Variants in MTHFD2L observed in about 807,000 individuals in gnomAD.
MTHFD2L encodes the protein methylenetetrahydrofolate dehydrogenase (NADP+ dependent) 2 like.
A neutral mutation model predicts 34.9 loss-of-function variants in MTHFD2L; 29 were observed. The observed-to-expected ratio is 0.83, with a 90% CI of 0.62 to 1.13. MTHFD2L has a LOEUF of 1.13. MTHFD2L is among the 50% of genes most tolerant of loss of function. The pLI is 0.00. For synonymous variants in MTHFD2L, 167 were observed against 155.7 expected (o/e 1.07, Z -0.54); for missense variants, 481 against 446.5 (o/e 1.08, Z -0.70).
chr4:74,231,093 G>A (rs1739980228), intron 6 of MTHFD2L, among the ~76,000 whole-genome samples: 1 of 152,048 alleles, frequency 6.6e-6, no homozygotes, highest in African/African-American at 2.4e-5. Flanking sequence ...ACTTTAGAGT[G>A]TCTATTGCAA....
At chr4:74,191,219 A>G (rs190057801) in intron 3 of MTHFD2L, among the ~76,000 whole-genome samples, 2 of 152,136 alleles carry the variant, frequency 1.3e-5, no homozygotes, top group Admixed American at 1.3e-4. Context: ...CCTGGTCCTC[A>G]CTTATATATT....
intron 5 of MTHFD2L, among the ~76,000 whole-genome samples, chr4:74,211,603 C>G (rs997559111): frequency 1.3e-5 from 2 of 152,088 alleles, no homozygotes; most frequent in Non-Finnish European, 2.9e-5. Context: ...TTACTGAGGA[C>G]TTTCACATTG....
rs898701151 is a variant in MTHFD2L, at chr4:74,137,113, A to G, written c.-297+11596A>G. Among the ~76,000 whole-genome samples the G allele has an allele frequency of 3.3e-5, 5 of 152,338 alleles. No individual in the cohort carries two copies. The East Asian group carries it at 9.6e-4, about 29-fold the overall frequency. On this transcript the variant is annotated intron_variant, in intron 1 of 7. Coordinates refer to the MTHFD2L transcript ENST00000433372. Reference sequence around the variant, plus strand: ...CAGGCAACCAAAGCAAAAATAGACAATTGGGATTACATCAAACTATAAAAC... The same window carrying G: ...CAGGCAACCAAAGCAAAAATAGACAGTTGGGATTACATCAAACTATAAAAC...
At chr4:74,258,982 A>G (rs1228002971) in intron 6 of MTHFD2L, among the ~76,000 whole-genome samples, 2 of 152,248 alleles carry the variant, frequency 1.3e-5, no homozygotes, top group African/African-American at 4.8e-5. Context: ...ATGGTCATAT[A>G]GCAAATGCAT....
At chr4:74,255,060 G>C (rs778323538) in intron 6 of MTHFD2L, among the ~76,000 whole-genome samples, 4 of 145,310 alleles carry the variant, frequency 2.8e-5, no homozygotes, top group Non-Finnish European at 4.5e-5. Flanking sequence ...GCTTGAACCA[G>C]GGAGGCGGAG....
At chr4:74,191,209 C>T (rs1732416722) in intron 3 of MTHFD2L, among the ~76,000 whole-genome samples, 1 of 152,118 alleles carries the variant, frequency 6.6e-6, no homozygotes, top group African/African-American at 2.4e-5. Flanking sequence ...AGCCACTGTG[C>T]CTGGTCCTCA....
chr4:74,171,537 T>C (rs1346912525), intron 1 of MTHFD2L, among the ~76,000 whole-genome samples: 1 of 152,208 alleles, frequency 6.6e-6, no homozygotes, highest in South Asian at 2.1e-4. Flanking sequence ...GAGTGGTGGC[T>C]CACACCTGTA....
intron 6 of MTHFD2L, among the ~76,000 whole-genome samples, chr4:74,276,872 T>TAAAA (rs1746721965): frequency 6.6e-6 from 1 of 152,104 alleles, no homozygotes; most frequent in Non-Finnish European, 1.5e-5. Flanking sequence ...GAATGAATGA[T>TAAAA]AGAGTCAAAG....
chr4:74,263,431 A>T (rs938884584), intron 6 of MTHFD2L, among the ~76,000 whole-genome samples: 1 of 151,934 alleles, frequency 6.6e-6, no homozygotes, highest in Non-Finnish European at 1.5e-5. Context: ...TGGCCATTTT[A>T]ATGATATTGA....
At chr4:74,179,609 C>G (rs1046028109) in intron 3 of MTHFD2L, among the ~76,000 whole-genome samples, 7 of 151,800 alleles carry the variant, frequency 4.6e-5, no homozygotes, top group Non-Finnish European at 8.8e-5. Context: ...TTTGATGAGT[C>G]TTACTTTCCT....
chr4:74,256,797 A>G (rs372673330), intron 6 of MTHFD2L, among the ~76,000 whole-genome samples: 2 of 152,066 alleles, frequency 1.3e-5, no homozygotes, highest in South Asian at 2.1e-4. Flanking sequence ...ATTCTGTTCC[A>G]TTGGTCTCTG....
chr4:74,214,846 G>A (rs1043619732), intron 5 of MTHFD2L, among the ~76,000 whole-genome samples: 12 of 151,826 alleles, frequency 7.9e-5, no homozygotes, highest in Non-Finnish European at 1.6e-4. Flanking sequence ...TAGGGAATGA[G>A]AGTTTTATCT....
At chr4:74,188,149 T>G (rs538658905) in intron 3 of MTHFD2L, among the ~76,000 whole-genome samples, 2 of 152,294 alleles carry the variant, frequency 1.3e-5, no homozygotes, top group African/African-American at 4.8e-5. Context: ...TAAAATTATA[T>G]GAAATGAAAA....
rs182120826 is a variant in MTHFD2L, at chr4:74,178,583, G to A, written c.451+3180G>A. Among the ~76,000 whole-genome samples, 449 of 151,974 alleles carry A rather than the reference G, an allele frequency of 3.0e-3. 3 individuals carry two copies. The highest frequency in any genetic ancestry group is 0.01 in the African/African-American group (426 of 41,462). On this transcript the variant is annotated intron_variant, in intron 3 of 7. Coordinates refer to ENST00000325278, the MANE Select transcript of MTHFD2L (RefSeq NM_001144978.3). ...ATTGTTTGAGTGTCTCAAACAGAGA[G>A]TGTGAGAAGCATAGAGCTAAAGTGA...
At chr4:74,164,021 G>C (rs917057747) in intron 1 of MTHFD2L, among the ~76,000 whole-genome samples, 16 of 152,048 alleles carry the variant, frequency 1.1e-4, no homozygotes, top group Non-Finnish European at 2.4e-4. Context: ...GACTACAGGC[G>C]CCCGCCACCA....
chr4:74,211,759 A>G (rs906894474), intron 5 of MTHFD2L, among the ~76,000 whole-genome samples: 3 of 151,668 alleles, frequency 2.0e-5, no homozygotes, highest in Non-Finnish European at 4.4e-5. Context: ...AGAAGGAATG[A>G]TACCAGCTGC....
chr4:74,264,601 A>T (rs1298036509), intron 6 of MTHFD2L, among the ~76,000 whole-genome samples: 3 of 152,112 alleles, frequency 2.0e-5, no homozygotes, highest in African/African-American at 7.2e-5. Flanking sequence ...AAGAATGAGG[A>T]TTAAGTTTGA....
At chr4:74,202,822 A>G (rs1734669730) in intron 5 of MTHFD2L, among the ~76,000 whole-genome samples, 1 of 152,152 alleles carries the variant, frequency 6.6e-6, no homozygotes, top group Admixed American at 6.6e-5. Context: ...GCTTTCTAAT[A>G]TTTAACCAGA....
chr4:74,270,425 G>A (rs1039545025), intron 6 of MTHFD2L, among the ~76,000 whole-genome samples: 3 of 151,962 alleles, frequency 2.0e-5, no homozygotes, highest in Admixed American at 2.0e-4. Flanking sequence ...GCAGTGTTTG[G>A]TTTTTTGTTC....
Sources: allele counts gnomAD v4.1 joint callset (sites outside exome capture counted in the v4.1 genomes callset), GRCh38; gene constraint gnomAD v4.1.1; transcripts MANE v1.5; gene names NCBI Gene and HGNC (gene_info 2026-07-23, HGNC 2026-07-21).